The following MGRN1 variants were observed in gnomAD, a reference collection of about 807,000 sequenced individuals.
MGRN1 encodes E3 ubiquitin-protein ligase MGRN1.
In MGRN1, 29 loss-of-function variants were observed where a neutral mutation model predicts 69.2. The ratio of observed to expected loss-of-function variants is 0.42; its 90% CI spans 0.31 to 0.57. The LOEUF is 0.57. Ranked by LOEUF, MGRN1 falls within the 20% of genes least tolerant of loss-of-function variation. The pLI, the probability that MGRN1 is intolerant of heterozygous loss-of-function variation, is 0.15. For synonymous variants in MGRN1, 470 were observed against 344.2 expected (o/e 1.37, Z -4.04); for missense variants, 998 against 796.2 (o/e 1.25, Z -3.05).
At chr16:4,649,436 C>T (rs896968326) in intron 1 of MGRN1, 1 of 152,220 alleles carries the variant, frequency 6.6e-6, no homozygotes, top group Non-Finnish European at 1.5e-5. Context: ...GGGGAGGACT[C>T]TTCCTTACCT....
chr16:4,654,252 ATAT>A (rs2078478026), intron 4 of MGRN1, among the ~76,000 whole-genome samples: 1 of 152,194 alleles, frequency 6.6e-6, no homozygotes, highest in Non-Finnish European at 1.5e-5. Context: ...CAAGGAACAA[ATAT>A]TAGAACAAAA....
intron 4 of MGRN1, among the ~76,000 whole-genome samples, chr16:4,653,859 TCTC>T (rs778076246): frequency 7.2e-5 from 11 of 152,242 alleles, no homozygotes; most frequent in Non-Finnish European, 1.5e-4. Context: ...TTCAAGTGCT[TCTC>T]CTGCCTCAGC....
chr16:4,626,131 G>A (rs1897666816), intron 1 of MGRN1, among the ~76,000 whole-genome samples: 1 of 152,246 alleles, frequency 6.6e-6, no homozygotes, highest in South Asian at 2.1e-4. Context: ...GCTCTGCCCA[G>A]GTTTTGTAAG....
At chr16:4,655,108 CG>C (rs1289966155) in intron 4 of MGRN1, among the ~76,000 whole-genome samples, 2 of 152,138 alleles carry the variant, frequency 1.3e-5, no homozygotes, top group Non-Finnish European at 2.9e-5. Flanking sequence ...TTGACACCCA[CG>C]GGGCCTGGTG....
At chr16:4,668,400 C>A in intron 8 of MGRN1, 88 bp downstream of exon 8, 1 of 1,368,772 alleles carries the variant, frequency 7.3e-7, no homozygotes, top group Non-Finnish European at 1.0e-6. Flanking sequence ...TAGACACACA[C>A]TCATACACAC....
intron 1 of MGRN1, among the ~76,000 whole-genome samples, chr16:4,633,378 A>C (rs1022838816): frequency 6.6e-6 from 1 of 150,534 alleles, no homozygotes; most frequent in African/African-American, 2.4e-5. Flanking sequence ...AACAGTGCCC[A>C]GGCTTTATTT....
rs577471532 is a variant in MGRN1 at position 4,665,823 on chromosome 16, C to T, written c.678+672C>T. 2.6e-5 allele frequency among the ~76,000 whole-genome samples: 4 copies of T among 152,006 alleles called. 1 individual carries two copies. In the South Asian group the frequency reaches 8.3e-4, roughly 32 times the overall value. On this transcript the variant is annotated intron_variant, in intron 7 of 16. Coordinates refer to ENST00000262370, the MANE Select transcript of MGRN1 (RefSeq NM_015246.4). ...ACCTGGGATTACAGGCCCATGCCAC[C>T]ATGCCTGGCCAATTTTTTTTTTTTG...
chr16:4,674,355 C>T (rs920673608), intron 10 of MGRN1, among the ~76,000 whole-genome samples: 1 of 151,700 alleles, frequency 6.6e-6, no homozygotes, highest in African/African-American at 2.4e-5. Flanking sequence ...GTGTTGCAGT[C>T]TCGGCTCACT....
chr16:4,685,705 C>G (rs919812482), intron 16 of MGRN1, among the ~76,000 whole-genome samples: 1 of 152,252 alleles, frequency 6.6e-6, no homozygotes, highest in East Asian at 1.9e-4. Context: ...GGTGGCCCCT[C>G]TGTTCCACTG....
chr16:4,631,132 G>A (rs1396042648), intron 1 of MGRN1, among the ~76,000 whole-genome samples: 1 of 152,018 alleles, frequency 6.6e-6, no homozygotes, highest in East Asian at 1.9e-4. Context: ...AAATTAATTT[G>A]TTTCACTTAT....
chr16:4,634,045 G>A (rs1369370935), intron 1 of MGRN1, among the ~76,000 whole-genome samples: 1 of 152,214 alleles, frequency 6.6e-6, no homozygotes, highest in Non-Finnish European at 1.5e-5. Context: ...AATTGCAGCT[G>A]CCATTGGGGG....
chr16:4,679,683 T>G (rs1278632129), intron 11 of MGRN1, among the ~76,000 whole-genome samples: 1 of 147,410 alleles, frequency 6.8e-6, no homozygotes, highest in African/African-American at 2.4e-5. Context: ...ATCTCCACCC[T>G]GCACCCAGCC....
At chr16:4,668,913 TAC>T (rs1048793636) in intron 8 of MGRN1, among the ~76,000 whole-genome samples, 4 of 151,874 alleles carry the variant, frequency 2.6e-5, no homozygotes, top group African/African-American at 9.7e-5. Context: ...CGCACACATA[TAC>T]AGACATACAT....
chr16:4,673,638 C>T lies in MGRN1; in HGVS notation c.936C>T (p.Asn312=), dbSNP rs2078989749. Residue 312 remains asparagine, a synonymous_variant, in exon 10 of 17, where the codon AAC becomes AAT. Transcript: ENST00000262370. Reference sequence around the variant, plus strand: ...ACACGCTGCGCTACCAGGCCAACAACTGCCCCATCTGCCGGCTGCGTGAGT... The same window carrying T: ...ACACGCTGCGCTACCAGGCCAACAATTGCCCCATCTGCCGGCTGCGTGAGT... ...CADTLRYQAN[N]CPICRLPFRA... is the part of the protein sequence containing the mutation. 1.2e-6 allele frequency: 2 copies of T among 1,613,236 alleles called. No individual in the cohort carries two copies. The highest frequency in any genetic ancestry group is 1.7e-6 in the Non-Finnish European group (2 of 1,179,790).
chr16:4,680,184 AGGCTAGTG>A, intron 12 of MGRN1, 87 bp downstream of exon 12: 1 of 1,325,860 alleles, frequency 7.5e-7, no homozygotes, highest in South Asian at 1.2e-5. Flanking sequence ...TTTCCGCCCC[AGGCTAGTG>A]TCTGATTCAT....
In MGRN1 at chr16:4,690,661, C is replaced by G. The variant is rs964707405; in HGVS notation, c.*1753C>G. 1.3e-5 allele frequency: 2 copies of G among 152,286 alleles called. No individual in the cohort carries two copies. The highest frequency in any genetic ancestry group is 1.3e-4 in the Admixed American group (2 of 15,290). The allele number at this position is 152,286 out of a possible 1,614,324, so 9.4% of individuals were successfully genotyped here. ...TCACGCATACACACACGCACATACT[C>G]CTGCACATGTTCCCATGCATGTGTG... is the stretch of plus-strand genomic sequence containing the variant. On this transcript the variant is annotated 3_prime_UTR_variant, in exon 17 of 17. Coordinates refer to ENST00000262370, the MANE Select transcript of MGRN1 (RefSeq NM_015246.4).
chr16:4,637,855 GGGGTGGGGGCCACCCTGA>G (rs2078066358), intron 1 of MGRN1, among the ~76,000 whole-genome samples: 1 of 152,236 alleles, frequency 6.6e-6, no homozygotes, highest in Admixed American at 6.5e-5. Flanking sequence ...CCCTGTCTAG[GGGGTGGGGGCCACCCTGA>G]GGGTGGTGGA....
chr16:4,624,889 C>T lies in MGRN1; in HGVS notation c.-72C>T. 7.4e-7 allele frequency: 1 copy of T among 1,351,492 alleles called. No individual in the cohort carries two copies. Among genetic ancestry groups the T allele is most frequent in the Non-Finnish European group, 1.0e-6 (1 of 1,004,180 alleles). The allele number at this position is 1,351,492 out of a possible 1,614,324, so 83.7% of individuals were successfully genotyped here. On this transcript the variant is annotated 5_prime_UTR_variant, in exon 1 of 17. Transcript: ENST00000262370. ...CGTGCGGCCTGGTCCGGGCCATGTC[C>T]GCGTGAGGACCCCGCCGCTGTCGCC...
intron 1 of MGRN1, among the ~76,000 whole-genome samples, chr16:4,639,370 C>A (rs926175328): frequency 1.3e-5 from 2 of 152,112 alleles, no homozygotes; most frequent in African/African-American, 4.8e-5. Context: ...ATAGCCCAGG[C>A]CGGGAAGGTG....
Sources: gnomAD v4.1 joint callset for allele counts (sites outside exome capture counted in the v4.1 genomes callset) on GRCh38, gnomAD v4.1.1 for gene constraint, MANE v1.5 for transcripts, NCBI Gene and HGNC (gene_info 2026-07-23, HGNC 2026-07-21) for gene names.